The following ITGAD variants were observed in gnomAD, a reference collection of about 807,000 sequenced individuals.
ITGAD encodes the protein integrin alpha-D.
ITGAD carries 105 observed loss-of-function variants against 139.0 expected under a neutral mutation model. The observed-to-expected ratio is 0.76, with a 90% confidence interval of 0.65 to 0.89. The LOEUF is 0.89. Among genes scored for constraint, ITGAD ranks in the 40% least tolerant of loss-of-function variants. The pLI is 0.00. For synonymous variants in ITGAD, 569 were observed against 598.3 expected (o/e 0.95, Z 0.71); for missense variants, 1,384 against 1,487.3 (o/e 0.93, Z 1.14).
chr16:31,421,126 T>C (rs908843754), intron 23 of ITGAD, among the ~76,000 whole-genome samples: 4 of 152,194 alleles, frequency 2.6e-5, no homozygotes, highest in Non-Finnish European at 5.9e-5. Flanking sequence ...ATAATTATAT[T>C]GTTATCCCTA....
chr16:31,402,029 C>T lies in ITGAD; in HGVS notation c.428-86C>T, dbSNP rs983643479. On this transcript the variant is annotated intron_variant, in intron 5 of 29. Coordinates refer to ENST00000389202, the MANE Select transcript of ITGAD (RefSeq NM_005353.3). ...GGAAACTAGGTGGGGATGCCAAGAA[C>T]AGCCCCCGGGCTCTGTTGAGCAGGA... The T allele has an allele frequency of 4.1e-6, 6 of 1,480,352 alleles. No homozygotes were observed. The African/African-American group carries it at 8.4e-5, about 21-fold the overall frequency. The allele number at this position is 1,480,352 out of a possible 1,614,324, so 91.7% of individuals were successfully genotyped here.
chr16:31,407,381 C>G (rs1199307513), intron 7 of ITGAD, 134 bp from the exon 8 acceptor site: 8 of 874,462 alleles, frequency 9.1e-6, no homozygotes, highest in Non-Finnish European at 1.0e-5. Context: ...ACGGCAAAAT[C>G]AATTCCTTAA....
At chr16:31,397,706 C>CGCGGG in intron 4 of ITGAD, 40 bp downstream of exon 4, 2 of 299,952 alleles carry the variant, frequency 6.7e-6, no homozygotes, top group Non-Finnish European at 1.1e-5. Flanking sequence ...TGGGGTGGGG[C>CGCGGG]GGGGGGTGTT....
chr16:31,424,631 C>A, intron 29 of ITGAD, 54 bp downstream of exon 29: 1 of 1,227,116 alleles, frequency 8.1e-7, no homozygotes, highest in South Asian at 1.4e-5. Flanking sequence ...AGTTTCCACT[C>A]TTACTGCCCA....
rs772600894 is a variant in ITGAD, at chr16:31,407,899, A to G, written c.992A>G (p.Lys331Arg). 17 of 1,593,212 alleles carry G rather than the reference A, an allele frequency of 1.1e-5. No homozygotes were observed. In the East Asian group the frequency reaches 3.8e-4, roughly 36 times the overall value. ...AGCATCCAGAAGCAGCTGCAGGAGA[A>G]GATCTATGCAGTTGAGGGTAAATGG... ...LGSIQKQLQE[K>R]IYAVEGTQSR... The change falls in exon 9 of 30, where the codon AAG becomes AGG. Residue 331 changes from lysine (K) to arginine (R), a missense_variant. Coordinates refer to ENST00000389202, the MANE Select transcript of ITGAD (RefSeq NM_005353.3).
At chr16:31,414,626 G>A (rs759009643) in intron 17 of ITGAD, 21 bp downstream of exon 17, 4 of 1,613,362 alleles carry the variant, frequency 2.5e-6, no homozygotes, top group Non-Finnish European at 3.4e-6. Flanking sequence ...TGGGTTCTGG[G>A]AAGGGGGAGA....
At chr16:31,408,620 C>T in intron 10 of ITGAD, 122 bp downstream of exon 10, 2 of 803,016 alleles carry the variant, frequency 2.5e-6, no homozygotes, top group Non-Finnish European at 4.1e-6. Context: ...CAGGGAGAGG[C>T]CCCCACGCGT....
rs188924714 is a variant in ITGAD, at chr16:31,419,365, T to C, written c.2780+801T>C. 1.3e-3 allele frequency among the ~76,000 whole-genome samples: 194 copies of C among 152,350 alleles called. 1 individual carries two copies. The highest frequency in any genetic ancestry group is 0.011 in the Admixed American group (162 of 15,298). On this transcript the variant is annotated intron_variant, in intron 23 of 29. Transcript: ENST00000389202. The stretch of plus-strand genomic sequence containing the variant: ...TGTCTAGATACACAAATACTTTCCA[T>C]TGTGTTACAATTGCCTACAATATCC...
At chr16:31,394,371 C>G in intron 2 of ITGAD, 30 bp downstream of exon 2, 1 of 1,525,634 alleles carries the variant, frequency 6.6e-7, no homozygotes, top group Non-Finnish European at 9.1e-7. Context: ...CTTCCCCAAC[C>G]TCCACTACAT....
intron 1 of ITGAD, among the ~76,000 whole-genome samples, chr16:31,393,811 A>AT (rs2081196589): frequency 6.6e-6 from 1 of 152,050 alleles, no homozygotes; most frequent in Non-Finnish European, 1.5e-5. Flanking sequence ...TGAAAACTGC[A>AT]TCAGAGTCAC....
chr16:31,402,015 G>T, intron 5 of ITGAD, 100 bp from the exon 6 acceptor site: 1 of 1,360,374 alleles, frequency 7.4e-7, no homozygotes, highest in South Asian at 1.4e-5. Flanking sequence ...GAAACTAGGT[G>T]GGGATGCCAA....
chr16:31,417,979 G>C, intron 20 of ITGAD, 96 bp from the exon 21 acceptor site: 2 of 941,376 alleles, frequency 2.1e-6, no homozygotes, highest in East Asian at 4.9e-5. Flanking sequence ...AGAAAAGTCT[G>C]TCATTTTCCC....
chr16:31,418,016 G>C, intron 20 of ITGAD, 59 bp from the exon 21 acceptor site: 1 of 1,334,628 alleles, frequency 7.5e-7, no homozygotes, highest in South Asian at 1.2e-5. Flanking sequence ...CACCACTGCT[G>C]TGTATCAAGC....
chr16:31,410,766 G>A lies in ITGAD; in HGVS notation c.1244G>A (p.Gly415Glu), dbSNP rs1183010365. ...GYSTELALWK[G>E]VQNLVLGAPR... ...TCCACCGAGCTAGCCCTGTGGAAGG[G>A]GGTACAGAACCTGGTCCTGGGGGCC... The change falls in exon 12 of 30, where the codon GGG becomes GAG. Residue 415 changes from glycine (G) to glutamate (E), a missense_variant. Physicochemically the swap from Gly to Glu is moderately conservative, Grantham distance 98 (BLOSUM62 -2). Coordinates refer to ENST00000389202, the MANE Select transcript of ITGAD (RefSeq NM_005353.3). 1 of 1,613,286 alleles carries A rather than the reference G, an allele frequency of 6.2e-7. No individual in the cohort carries two copies.
At chr16:31,417,229 T>TTTAC (rs1430092845) in intron 20 of ITGAD, among the ~76,000 whole-genome samples, 1 of 145,496 alleles carries the variant, frequency 6.9e-6, no homozygotes, top group Non-Finnish European at 1.5e-5. Flanking sequence ...TATTTATTTA[T>TTTAC]TTATTTATTT....
chr16:31,424,412 C>A, intron 28 of ITGAD, 55 bp from the exon 29 acceptor site: 1 of 1,461,778 alleles, frequency 6.8e-7, no homozygotes, highest in Non-Finnish European at 9.6e-7. Flanking sequence ...GGTTGCGGAA[C>A]CTGGGAGGCA....
chr16:31,394,192 GC>G, intron 1 of ITGAD, 43 bp from the exon 2 acceptor site: 1 of 1,289,018 alleles, frequency 7.8e-7, no homozygotes, highest in Non-Finnish European at 1.1e-6. Flanking sequence ...AGGGATTGGG[GC>G]TTCTTTAACT....
At position 31,413,114 on chromosome 16, in the gene ITGAD, G is replaced by A; in HGVS notation, c.1864G>A (p.Val622Met). 1 of 1,614,186 alleles carries A rather than the reference G, an allele frequency of 6.2e-7. No individual in the cohort carries two copies. Among genetic ancestry groups the A allele is most frequent in the Non-Finnish European group, 8.5e-7 (1 of 1,180,028 alleles). ...GAGTCTGCCGGTGCTGAAAGTGGGGGTGGCCATGAGATTCAGCCCTGTGGA... is the reference window on the plus strand; with the variant it reads ...GAGTCTGCCGGTGCTGAAAGTGGGGATGGCCATGAGATTCAGCCCTGTGGA... ...LRSLPVLKVG[V>M]AMRFSPVEVA... Residue 622 changes from valine to methionine, a missense_variant, in exon 16 of 30, where the codon GTG (valine) becomes ATG (methionine). Coordinates refer to ENST00000389202, the MANE Select transcript of ITGAD (RefSeq NM_005353.3).
intron 14 of ITGAD, among the ~76,000 whole-genome samples, chr16:31,411,892 C>T (rs2081727778): frequency 6.6e-6 from 1 of 152,210 alleles, no homozygotes; most frequent in Non-Finnish European, 1.5e-5. Flanking sequence ...CTAAGGCAAT[C>T]ACCACTGCAC....
Sources: allele counts gnomAD v4.1 joint callset (sites outside exome capture counted in the v4.1 genomes callset), GRCh38; gene constraint gnomAD v4.1.1; transcripts MANE v1.5; gene names NCBI Gene and HGNC (gene_info 2026-07-23, HGNC 2026-07-21).